GRHL3: variants seen among roughly 807,000 people sequenced by gnomAD.
GRHL3 encodes the protein grainyhead like transcription factor 3.
GRHL3 carries 20 observed loss-of-function variants against 70.3 expected under a neutral mutation model. That is an observed-to-expected ratio of 0.28 (90% CI 0.20 to 0.41). The LOEUF (loss-of-function observed/expected upper bound fraction) is 0.41. Among genes scored for constraint, GRHL3 ranks in the 10% least tolerant of loss-of-function variants. The pLI is 1.00. For synonymous variants in GRHL3, 299 were observed against 299.9 expected, an observed-to-expected ratio of 1.00 and a Z score of 0.03; for missense variants, 637 against 762.3, an observed-to-expected ratio of 0.84 and a Z score of 1.94.
In GRHL3 at chr1:24,344,887, T is replaced by G. The variant is rs565726922; in HGVS notation, c.1420-10T>G. The G allele has an allele frequency of 6.2e-7, 1 of 1,613,658 alleles. No individual in the cohort carries two copies. Among genetic ancestry groups the G allele is most frequent in the African/African-American group, 1.3e-5 (1 of 74,918 alleles). On this transcript the variant is annotated splice_polypyrimidine_tract_variant and intron_variant, in intron 11 of 15. Coordinates refer to ENST00000361548, the MANE Select transcript of GRHL3 (RefSeq NM_198173.3). Reference sequence around the variant, plus strand: ...GTGTGATGGAAAATGTCTTTTTCACTTCATTGCAGGCAGCCCCCTCGGCAG... The same window carrying G: ...GTGTGATGGAAAATGTCTTTTTCACGTCATTGCAGGCAGCCCCCTCGGCAG...
Position 24,354,569 on chromosome 1 carries a change from A to C in GRHL3, c.*81A>C. 4 of 847,602 alleles carry C rather than the reference A, an allele frequency of 4.7e-6. No homozygotes were observed. Among genetic ancestry groups the C allele is most frequent in the Non-Finnish European group, 8.0e-6 (4 of 500,484 alleles). The allele number at this position is 847,602 out of a possible 1,614,324, so 52.5% of individuals were successfully genotyped here. A position where few individuals can be genotyped will look rare whatever the true frequency, so the allele number is the denominator to read the frequency against. On this transcript the variant is annotated 3_prime_UTR_variant, in exon 16 of 16. Coordinates refer to ENST00000361548, the MANE Select transcript of GRHL3 (RefSeq NM_198173.3). ...CCCACGCCACACACAACCTCTCCAC[A>C]TGCCTCAGCGCTGTTACTTGAATGC...
rs936596909 is a variant in GRHL3, at chr1:24,321,700, C to A, written c.17+2132C>A. 1 of 152,296 alleles carries A rather than the reference C, an allele frequency of 6.6e-6. No homozygotes were observed. The highest frequency in any genetic ancestry group is 1.5e-5 in the Non-Finnish European group (1 of 68,090). 9.4% of individuals were successfully genotyped at this position (152,296 alleles called of 1,614,324 possible). A position where few individuals can be genotyped will look rare whatever the true frequency, so the allele number is the denominator to read the frequency against. ...ACAACTGTGAGCTCCCAAATGTGGA[C>A]CAGAGCTCCATCCGCGCCCGCCCGG... On this transcript the variant is annotated intron_variant, in intron 1 of 15. Coordinates refer to ENST00000361548, the MANE Select transcript of GRHL3 (RefSeq NM_198173.3). The surrounding 1 kb of genome is among the most constrained non-coding windows in gnomAD (Gnocchi z 4.0).
chr1:24,351,367 G>A (rs1045869182), intron 15 of GRHL3, among the ~76,000 whole-genome samples: 11 of 151,552 alleles, frequency 7.3e-5, no homozygotes, highest in African/African-American at 2.7e-4. Flanking sequence ...GAAGGCTGAG[G>A]GTGGGGGAAG....
chr1:24,363,273 A>C (rs904288485), intron 15 of GRHL3, among the ~76,000 whole-genome samples: 4 of 152,196 alleles, frequency 2.6e-5, no homozygotes, highest in African/African-American at 9.6e-5. Context: ...CTCCTTCAGT[A>C]TGCCCAGGAG....
rs1351260163 is a variant in GRHL3, at chr1:24,331,528, G to C, written c.120G>C (p.Leu40Phe). ...GGAAGACGTACCTAGAAAACCCGTT[G>C]ACAGCTGCCACAAAGGCCATGATGA... ...EAWKTYLENP[L>F]TAATKAMMRV... The change falls in exon 2 of 16, where the codon TTG becomes TTC. Residue 40 changes from leucine (L) to phenylalanine (F), a missense_variant. Transcript: ENST00000361548. 5.0e-6 allele frequency: 8 copies of C among 1,614,026 alleles called. No homozygotes were observed. Among genetic ancestry groups the C allele is most frequent in the African/African-American group, 1.3e-5 (1 of 74,908 alleles).
At chr1:24,345,518 G>A (rs1166385828) in intron 12 of GRHL3, among the ~76,000 whole-genome samples, 2 of 151,828 alleles carry the variant, frequency 1.3e-5, no homozygotes, top group African/African-American at 4.8e-5. Context: ...AAAAGTCGGC[G>A]AATCTCTGGC....
chr1:24,336,803 C>T lies in GRHL3; in HGVS notation c.588C>T (p.Ser196=). 1.2e-6 allele frequency: 2 copies of T among 1,607,870 alleles called. No individual in the cohort carries two copies. The highest frequency in any genetic ancestry group is 1.7e-6 in the Non-Finnish European group (2 of 1,175,976). ...VPPTQRWQPD[S]TFKDDPQESM... ...CCACACAGCGCTGGCAGCCAGACAG[C>T]ACCTTCAAAGATGACCCACAGGAGG... The change falls in exon 4 of 16, where the codon AGC becomes AGT. Residue 196 remains serine, a synonymous_variant. Transcript: ENST00000361548.
In GRHL3 at chr1:24,337,671, T is replaced by G; in HGVS notation, c.722T>G (p.Ile241Ser). ...FEYTLGSPKA[I>S]HIKSGESPMA... The stretch of plus-strand genomic sequence containing the variant: ...TACACCCTGGGCTCCCCCAAAGCCA[T>G]CCACATCAAGTCAGGCGAGTCACCC... The change falls in exon 6 of 16, where the codon ATC (isoleucine) becomes AGC (serine). Residue 241 changes from isoleucine to serine, a missense_variant. Physicochemically the swap from Ile to Ser is moderately radical, Grantham distance 142 (BLOSUM62 -2). Transcript: ENST00000361548. 6.2e-7 allele frequency: 1 copy of G among 1,614,064 alleles called. No homozygotes were observed. Among genetic ancestry groups the G allele is most frequent in the South Asian group, 1.1e-5 (1 of 91,076 alleles).
rs146055514 is a variant in GRHL3 at position 24,335,335 on chromosome 1, G to A, written c.266+629G>A. ...TCCTTTCCTTTAGAAAGCGGCCCAG[G>A]CCATGCTTAAGACTAGATGGGCACT... On this transcript the variant is annotated intron_variant, in intron 3 of 15. Transcript: ENST00000361548. Among the ~76,000 whole-genome samples the A allele has an allele frequency of 5.3e-5, 8 of 152,312 alleles. No homozygotes were observed. In the East Asian group the frequency reaches 1.4e-3, roughly 26 times the overall value.
intron 11 of GRHL3, among the ~76,000 whole-genome samples, chr1:24,344,369 T>C (rs764490776): frequency 4.0e-5 from 6 of 151,466 alleles, no homozygotes; most frequent in Admixed American, 2.0e-4. Flanking sequence ...CACACACCTG[T>C]AATCCCAGCT....
rs1313753372 is a variant in GRHL3, at chr1:24,343,031, G to A, written c.1419+6G>A. 1.9e-6 allele frequency: 3 copies of A among 1,613,914 alleles called. No individual in the cohort carries two copies. In the African/African-American group the frequency reaches 4.0e-5, roughly 22 times the overall value. On this transcript the variant is annotated splice_donor_region_variant and intron_variant, in intron 11 of 15. Coordinates refer to ENST00000361548, the MANE Select transcript of GRHL3 (RefSeq NM_198173.3). Reference sequence around the variant, plus strand: ...GCCTGCAGCGCTCTGGAGGGGTGAGGCCAGGGCTGGGGTCTCGGGAAGGAG... The same window carrying A: ...GCCTGCAGCGCTCTGGAGGGGTGAGACCAGGGCTGGGGTCTCGGGAAGGAG...
intron 15 of GRHL3, among the ~76,000 whole-genome samples, chr1:24,361,378 G>C (rs187998795): frequency 6.6e-6 from 1 of 152,150 alleles, no homozygotes; most frequent in Non-Finnish European, 1.5e-5. Context: ...GAAATGGCAG[G>C]CCGTGTATAT....
Position 24,354,555 on chromosome 1 carries a change from C to A in GRHL3, c.*67C>A. ...AGCAGGGACGTGGCCCCACGCCACA[C>A]ACAACCTCTCCACATGCCTCAGCGC... On this transcript the variant is annotated 3_prime_UTR_variant, in exon 16 of 16. Coordinates refer to ENST00000361548, the MANE Select transcript of GRHL3 (RefSeq NM_198173.3). The A allele has an allele frequency of 1.0e-6, 1 of 965,090 alleles. No homozygotes were observed. Among genetic ancestry groups the A allele is most frequent in the Non-Finnish European group, 1.7e-6 (1 of 596,942 alleles). The allele number at this position is 965,090 out of a possible 1,614,324, so 59.8% of individuals were successfully genotyped here.
chr1:24,333,060 C>T (rs1345471631), intron 2 of GRHL3, among the ~76,000 whole-genome samples: 1 of 152,234 alleles, frequency 6.6e-6, no homozygotes, highest in African/African-American at 2.4e-5. Context: ...CCATCAGATA[C>T]AATCCAACTC....
Position 24,322,110 on chromosome 1 carries a change from C to G in GRHL3, c.17+2542C>G, listed in dbSNP as rs1159009071. Reference sequence around the variant, plus strand: ...CCCCTCTGGAGGGCCGGCCGGCGCTCCAGGCAGGCCCCGTTGACAGCCCAG... The same window carrying G: ...CCCCTCTGGAGGGCCGGCCGGCGCTGCAGGCAGGCCCCGTTGACAGCCCAG... On this transcript the variant is annotated intron_variant, in intron 1 of 15. Coordinates refer to ENST00000361548, the MANE Select transcript of GRHL3 (RefSeq NM_198173.3). This position sits in a 1 kb window ranked among gnomAD's most constrained non-coding sequence, Gnocchi z 4.4. Among the ~76,000 whole-genome samples, 1 of 152,050 alleles carries G rather than the reference C, an allele frequency of 6.6e-6. No individual in the cohort carries two copies. Among genetic ancestry groups the G allele is most frequent in the Non-Finnish European group, 1.5e-5 (1 of 67,986 alleles).
chr1:24,354,330 A>G (rs771498746), intron 15 of GRHL3, 44 bp from the exon 16 acceptor site: 1 of 1,401,156 alleles, frequency 7.1e-7, no homozygotes, highest in East Asian at 2.3e-5. Context: ...GCCTGAAAAC[A>G]GGGCGCCTGC....
Position 24,342,733 on chromosome 1 carries a change from T to C in GRHL3, c.1246T>C (p.Phe416Leu). Residue 416 changes from phenylalanine to leucine, a missense_variant, in exon 10 of 16, where the codon TTC becomes CTC. By Grantham distance (22) the Phe-to-Leu change is conservative. Around this residue, in one of 2 missense-constraint regions of GRHL3, gnomAD observed 387 missense variants for 513.8 expected, o/e 0.75. Coordinates refer to ENST00000361548, the MANE Select transcript of GRHL3 (RefSeq NM_198173.3). The surrounding 1 kb of genome is among the most constrained non-coding windows in gnomAD (Gnocchi z 4.8). ...RKMRDDERKQ[F>L]RRKVKCPDSS... is the part of the protein sequence containing the mutation. ...GATGCGCGATGACGAGCGGAAGCAGTTCCGGAGGAAGGTCAAGTGCCCTGA... is the reference window on the plus strand; with the variant it reads ...GATGCGCGATGACGAGCGGAAGCAGCTCCGGAGGAAGGTCAAGTGCCCTGA... The C allele has an allele frequency of 6.2e-7, 1 of 1,614,156 alleles. No homozygotes were observed. Among genetic ancestry groups the C allele is most frequent in the African/African-American group, 1.3e-5 (1 of 75,034 alleles).
chr1:24,334,711 G>A lies in GRHL3; in HGVS notation c.266+5G>A. On this transcript the variant is annotated splice_donor_5th_base_variant and intron_variant, in intron 3 of 15. Transcript: ENST00000361548. This position sits in a 1 kb window ranked among gnomAD's most constrained non-coding sequence, Gnocchi z 4.3. ...CAGGAATGACCAAGGAAAGAGGTGAGGCTTGCCAACACCCTCTGCCTCTTT... is the reference window on the plus strand; with the variant it reads ...CAGGAATGACCAAGGAAAGAGGTGAAGCTTGCCAACACCCTCTGCCTCTTT... The A allele has an allele frequency of 6.2e-7, 1 of 1,609,080 alleles. No individual in the cohort carries two copies. Among genetic ancestry groups the A allele is most frequent in the Non-Finnish European group, 8.5e-7 (1 of 1,177,850 alleles).
At chr1:24,336,441 C>A in intron 3 of GRHL3, 41 bp from the exon 4 acceptor site, 1 of 1,391,242 alleles carries the variant, frequency 7.2e-7, no homozygotes, top group Non-Finnish European at 9.8e-7. Flanking sequence ...CCCCTTTACC[C>A]CCAGAGAGAA....
Sources: allele counts gnomAD v4.1 joint callset (sites outside exome capture counted in the v4.1 genomes callset), GRCh38; gene constraint gnomAD v4.1.1; regional missense constraint gnomAD v4.1.1; non-coding constraint Gnocchi (gnomAD v3.1); transcripts MANE v1.5; gene names NCBI Gene and HGNC (gene_info 2026-07-23, HGNC 2026-07-21).